The following ITFG1 variants were observed in gnomAD, a reference collection of about 807,000 sequenced individuals.
ITFG1 encodes the protein T-cell immunomodulatory protein.
ITFG1 carries 34 observed loss-of-function variants against 81.8 expected under a neutral mutation model. That is an observed-to-expected ratio of 0.42 (90% CI 0.32 to 0.55). The LOEUF is 0.55. Among genes scored for constraint, ITFG1 ranks in the 20% least tolerant of loss-of-function variants. The pLI is 0.17. For missense variants in ITFG1, 672 were observed against 755.4 expected (o/e 0.89, Z 1.29); for synonymous variants, 285 against 270.6 (o/e 1.05, Z -0.52).
At chr16:47,155,893 G>A (rs1964696483) in intron 17 of ITFG1, 115 bp from the exon 18 acceptor site, 1 of 669,202 alleles carries the variant, frequency 1.5e-6, no homozygotes, top group South Asian at 2.1e-5. Context: ...GCAGATAATA[G>A]ATATGATTTC....
chr16:47,417,260 G>T (rs190156090), intron 6 of ITFG1, among the ~76,000 whole-genome samples: 1 of 152,284 alleles, frequency 6.6e-6, no homozygotes, highest in East Asian at 1.9e-4. Flanking sequence ...ATTTCTGAAA[G>T]ATCACTCATC....
At chr16:47,348,000 C>A (rs1476458360) in intron 8 of ITFG1, among the ~76,000 whole-genome samples, 3 of 152,164 alleles carry the variant, frequency 2.0e-5, no homozygotes, top group Non-Finnish European at 4.4e-5. Flanking sequence ...AGCTGAGGGT[C>A]CAGAATGTTA....
At chr16:47,252,232 T>C (rs1410202676) in intron 12 of ITFG1, among the ~76,000 whole-genome samples, 1 of 152,080 alleles carries the variant, frequency 6.6e-6, no homozygotes, top group African/African-American at 2.4e-5. Context: ...AAAGGATTTA[T>C]AAAATGGAAG....
chr16:47,375,826 T>G, intron 7 of ITFG1, 50 bp downstream of exon 7: 2 of 1,083,894 alleles, frequency 1.8e-6, no homozygotes, highest in Non-Finnish European at 2.9e-6. Context: ...AATTGTGTGC[T>G]TTTACTGAAA....
At chr16:47,200,771 G>A (rs1965415255) in intron 14 of ITFG1, among the ~76,000 whole-genome samples, 1 of 152,160 alleles carries the variant, frequency 6.6e-6, no homozygotes, top group Admixed American at 6.5e-5. Flanking sequence ...CCCCATAGCA[G>A]ACCTACTCAG....
chr16:47,409,274 G>A (rs1968768691), intron 6 of ITFG1, among the ~76,000 whole-genome samples: 1 of 146,004 alleles, frequency 6.8e-6, no homozygotes, highest in Non-Finnish European at 1.5e-5. Flanking sequence ...CATCAAAACA[G>A]AGAGATGAAT....
chr16:47,411,440 C>A (rs986465810), intron 6 of ITFG1, among the ~76,000 whole-genome samples: 5 of 152,074 alleles, frequency 3.3e-5, no homozygotes, highest in African/African-American at 9.7e-5. Context: ...GCTGGGTGGT[C>A]CCAAAAACTG....
chr16:47,286,832 G>T (rs188325009), intron 10 of ITFG1, among the ~76,000 whole-genome samples: 1 of 152,044 alleles, frequency 6.6e-6, no homozygotes, highest in African/African-American at 2.4e-5. Context: ...AGTCTTATGA[G>T]GTATGGATTA....
intron 3 of ITFG1, 59 bp from the exon 4 acceptor site, chr16:47,452,849 C>T (rs1046693915): frequency 4.7e-6 from 4 of 859,750 alleles, no homozygotes; most frequent in Non-Finnish European, 1.8e-6. Flanking sequence ...CTTTTGATAT[C>T]TATGCTTAGG....
chr16:47,294,143 T>G lies in ITFG1; in HGVS notation c.1070+17097A>C, dbSNP rs150705370. Among the ~76,000 whole-genome samples, 1,305 of 152,214 alleles carry G rather than the reference T, an allele frequency of 8.6e-3. 8 individuals are homozygous for G. Among genetic ancestry groups the G allele is most frequent in the Admixed American group, 0.013 (200 of 15,288 alleles). On this transcript the variant is annotated intron_variant, in intron 10 of 17. Transcript: ENST00000320640. ...GATTGTCCTTAGTGATTGTTGTTTT[T>G]GTCTTAACAAAGATCAGTTAACTGT... is the stretch of plus-strand genomic sequence containing the variant.
chr16:47,165,521 C>A (rs1408740598), intron 14 of ITFG1, among the ~76,000 whole-genome samples: 1 of 152,206 alleles, frequency 6.6e-6, no homozygotes, highest in African/African-American at 2.4e-5. Context: ...TGTTAGCTAT[C>A]TTTATTAAGA....
intron 13 of ITFG1, among the ~76,000 whole-genome samples, chr16:47,233,007 C>T (rs1421440763): frequency 6.6e-6 from 1 of 151,842 alleles, no homozygotes; most frequent in African/African-American, 2.4e-5. Flanking sequence ...TTAAAAAAAT[C>T]AAGATAAAGA....
intron 8 of ITFG1, among the ~76,000 whole-genome samples, chr16:47,328,748 G>A (rs1567462413): frequency 6.6e-6 from 1 of 152,146 alleles, no homozygotes; most frequent in Middle Eastern, 3.4e-3. Flanking sequence ...TTTAAGATTA[G>A]CACATTTAAA....
chr16:47,413,602 G>T (rs924202327), intron 6 of ITFG1, among the ~76,000 whole-genome samples: 1 of 152,048 alleles, frequency 6.6e-6, no homozygotes, highest in African/African-American at 2.4e-5. Context: ...AGGCTGAAGT[G>T]GGAGGATCAC....
chr16:47,363,647 T>C (rs1431845844), intron 8 of ITFG1, among the ~76,000 whole-genome samples: 1 of 152,242 alleles, frequency 6.6e-6, no homozygotes, highest in African/African-American at 2.4e-5. Context: ...GCAGTAAGTA[T>C]ATACTTTGGT....
chr16:47,284,502 T>C (rs1966862813), intron 10 of ITFG1, among the ~76,000 whole-genome samples: 1 of 152,180 alleles, frequency 6.6e-6, no homozygotes, highest in Non-Finnish European at 1.5e-5. Context: ...AGTTATAATA[T>C]ACAGTGTAGC....
intron 14 of ITFG1, among the ~76,000 whole-genome samples, chr16:47,196,995 C>G (rs1328779135): frequency 1.3e-5 from 2 of 152,128 alleles, no homozygotes; most frequent in African/African-American, 4.8e-5. Flanking sequence ...ACAAAACACT[C>G]TCTGGCAAAA....
At chr16:47,300,371 C>A (rs945930308) in intron 10 of ITFG1, among the ~76,000 whole-genome samples, 1 of 152,204 alleles carries the variant, frequency 6.6e-6, no homozygotes, top group East Asian at 1.9e-4. Context: ...GCCATCCCTA[C>A]CACTTGGTCA....
rs541516791 is a variant in ITFG1, at chr16:47,325,352, A to C, written c.803-11529T>G. Among the ~76,000 whole-genome samples the C allele has an allele frequency of 2.6e-5, 4 of 152,342 alleles. No homozygotes were observed. The East Asian group carries it at 7.7e-4, about 29-fold the overall frequency. ...GTGTAGAGGGAAATTTATAGCACTAAATGCCCACATGAGAAAGCAGGAAAG... is the reference window on the plus strand; with the variant it reads ...GTGTAGAGGGAAATTTATAGCACTACATGCCCACATGAGAAAGCAGGAAAG... On this transcript the variant is annotated intron_variant, in intron 8 of 17. Transcript: ENST00000320640.
Sources: allele counts gnomAD v4.1 joint callset (sites outside exome capture counted in the v4.1 genomes callset), GRCh38; gene constraint gnomAD v4.1.1; transcripts MANE v1.5; gene names NCBI Gene and HGNC (gene_info 2026-07-23, HGNC 2026-07-21).